The following USP32 variants were observed in gnomAD, a reference collection of about 807,000 sequenced individuals.
USP32 encodes ubiquitin carboxyl-terminal hydrolase 32.
USP32 carries 59 observed loss-of-function variants against 204.8 expected under a neutral mutation model. The ratio of observed to expected loss-of-function variants is 0.29; its 90% CI spans 0.23 to 0.36. The LOEUF (loss-of-function observed/expected upper bound fraction) is 0.36, where lower values mean the gene tolerates loss of function less well. Among genes scored for constraint, USP32 ranks in the 10% least tolerant of loss-of-function variants. The pLI, the probability that USP32 is intolerant of heterozygous loss-of-function variation, is 1.00. For synonymous variants in USP32, 517 were observed against 678.4 expected (o/e 0.76, Z 3.70); for missense variants, 1,160 against 1,946.4 (o/e 0.60, Z 7.60).
At chr17:60,246,780 A>G (rs1314274206) in intron 11 of USP32, among the ~76,000 whole-genome samples, 2 of 152,104 alleles carry the variant, frequency 1.3e-5, no homozygotes, top group Non-Finnish European at 2.9e-5. Flanking sequence ...TATTTCGATT[A>G]TGATTAGTGA....
chr17:60,246,904 G>A (rs1215687797), intron 11 of USP32, among the ~76,000 whole-genome samples: 1 of 152,058 alleles, frequency 6.6e-6, no homozygotes, highest in Non-Finnish European at 1.5e-5. Context: ...TTGTTATTGA[G>A]TTGAGGCCTT....
intron 27 of USP32, 81 bp downstream of exon 27, chr17:60,198,179 C>G: frequency 6.5e-7 from 1 of 1,529,038 alleles, no homozygotes; most frequent in Non-Finnish European, 8.8e-7. Context: ...TAGGCTGGGT[C>G]CTATCAGTCA....
intron 1 of USP32, among the ~76,000 whole-genome samples, chr17:60,351,543 C>T (rs1433209428): frequency 6.6e-6 from 1 of 151,922 alleles, no homozygotes; most frequent in African/African-American, 2.4e-5. Context: ...ATTCTCCTGC[C>T]CAGCCTCCCA....
intron 2 of USP32, among the ~76,000 whole-genome samples, chr17:60,318,407 G>A (rs545736161): frequency 1.3e-5 from 2 of 152,202 alleles, no homozygotes; most frequent in South Asian, 4.1e-4. Context: ...GAACAGCATG[G>A]GATTAACCAT....
intron 30 of USP32, among the ~76,000 whole-genome samples, chr17:60,184,039 C>T (rs539573320): frequency 8.5e-5 from 13 of 152,150 alleles, no homozygotes; most frequent in Middle Eastern, 3.4e-3. Context: ...ATAAACCCCG[C>T]GCTTTGGGAG....
Position 60,321,657 on chromosome 17 carries a change from A to ATT in USP32, c.187-19954_187-19953insAA, listed in dbSNP as rs1459872009. ...TTCTTGAAATGAATGGAAACACAACAGTTTAAACATAGTAACAGAAAATAC... is the reference window on the plus strand; with the variant it reads ...TTCTTGAAATGAATGGAAACACAACATTGTTTAAACATAGTAACAGAAAATAC... On this transcript the variant is annotated intron_variant, in intron 2 of 33. Transcript: ENST00000300896. Among the ~76,000 whole-genome samples, 16 of 152,352 alleles carry ATT rather than the reference A, an allele frequency of 1.1e-4. No individual in the cohort carries two copies. The East Asian group carries it at 2.9e-3, about 28-fold the overall frequency.
chr17:60,366,385 C>G (rs1163971700), intron 1 of USP32, among the ~76,000 whole-genome samples: 8 of 152,052 alleles, frequency 5.3e-5, no homozygotes, highest in Admixed American at 5.2e-4. Flanking sequence ...TCTTGAACTC[C>G]TGACCTCGTG....
At chr17:60,191,559 G>C (rs1447168889) in intron 28 of USP32, among the ~76,000 whole-genome samples, 1 of 151,454 alleles carries the variant, frequency 6.6e-6, no homozygotes, top group Non-Finnish European at 1.5e-5. Flanking sequence ...GCCCAGGCTG[G>C]AGTGCAGTGG....
chr17:60,335,052 T>G (rs987975401), intron 2 of USP32, among the ~76,000 whole-genome samples: 3 of 142,862 alleles, frequency 2.1e-5, no homozygotes, highest in Non-Finnish European at 4.4e-5. Flanking sequence ...GCATGATCAC[T>G]GCAGCCTCAA....
chr17:60,243,979 C>A (rs986552438), intron 11 of USP32, among the ~76,000 whole-genome samples: 9 of 143,554 alleles, frequency 6.3e-5, no homozygotes, highest in African/African-American at 2.1e-4. Flanking sequence ...ATCTTTTATT[C>A]TTTTACTTTC....
chr17:60,227,319 G>C (rs1258984261), intron 12 of USP32, among the ~76,000 whole-genome samples: 2 of 146,270 alleles, frequency 1.4e-5, no homozygotes, highest in Non-Finnish European at 3.0e-5. Flanking sequence ...ACCCAGGCTA[G>C]AGTGCAGTGG....
At chr17:60,374,221 G>C (rs1189896620) in intron 1 of USP32, among the ~76,000 whole-genome samples, 1 of 151,596 alleles carries the variant, frequency 6.6e-6, no homozygotes, top group African/African-American at 2.4e-5. Context: ...ACACACCTTA[G>C]CCTAGGCCTA....
intron 1 of USP32, among the ~76,000 whole-genome samples, chr17:60,397,509 A>G (rs1441238435): frequency 1.3e-5 from 2 of 152,108 alleles, no homozygotes; most frequent in Non-Finnish European, 2.9e-5. Flanking sequence ...CTACAGGTGC[A>G]CACCACCACA....
chr17:60,277,301 G>A (rs2086862857), intron 5 of USP32, among the ~76,000 whole-genome samples: 1 of 152,166 alleles, frequency 6.6e-6, no homozygotes, highest in South Asian at 2.1e-4. Context: ...AATGCCAGAA[G>A]TCAATCCTCA....
chr17:60,383,652 G>A (rs2089683519), intron 1 of USP32, among the ~76,000 whole-genome samples: 1 of 152,234 alleles, frequency 6.6e-6, no homozygotes, highest in South Asian at 2.1e-4. Context: ...ATATGAGAAT[G>A]AGCCAGACAT....
At position 60,245,842 on chromosome 17, in the gene USP32, CT is replaced by C. The variant is rs536548554; in HGVS notation, c.1136+6538del. The stretch of plus-strand genomic sequence containing the variant: ...TATAGGAATGTCTTTAGTTCACCTT[CT>C]TTTTTTTTTAATGTGTTTTTTTTTA... On this transcript the variant is annotated intron_variant, in intron 11 of 33. Transcript: ENST00000300896. Among the ~76,000 whole-genome samples, 337 of 140,420 alleles carry C rather than the reference CT, an allele frequency of 2.4e-3. 1 individual carries two copies. The highest frequency in any genetic ancestry group is 7.7e-3 in the African/African-American group (293 of 37,952). The allele number at this position is 140,420 out of a possible 152,430, so 92.1% of individuals were successfully genotyped here.
At chr17:60,351,589 G>A (rs926194076) in intron 1 of USP32, among the ~76,000 whole-genome samples, 3 of 152,074 alleles carry the variant, frequency 2.0e-5, no homozygotes, top group Admixed American at 6.6e-5. Context: ...CACCGTGCCT[G>A]GCTAATTCTT....
Position 60,389,776 on chromosome 17 carries a change from G to T in USP32, c.58+2106C>A, listed in dbSNP as rs2089797180. ...TCATGCCTGTAATCCCAGCACTTTGGGAGGCCGAGGCGGGCAGATCACAAG... is the reference window on the plus strand; with the variant it reads ...TCATGCCTGTAATCCCAGCACTTTGTGAGGCCGAGGCGGGCAGATCACAAG... On this transcript the variant is annotated intron_variant, in intron 1 of 33. Coordinates refer to ENST00000300896, the MANE Select transcript of USP32 (RefSeq NM_032582.4). Among the ~76,000 whole-genome samples, 5 of 151,976 alleles carry T rather than the reference G, an allele frequency of 3.3e-5. No homozygotes were observed. In the South Asian group the frequency reaches 1.0e-3, roughly 32 times the overall value.
At chr17:60,399,274 A>C (rs1303005967) in intron 1 of USP32, among the ~76,000 whole-genome samples, 1 of 152,202 alleles carries the variant, frequency 6.6e-6, no homozygotes, top group East Asian at 1.9e-4. Context: ...AAAGAGACAA[A>C]ATAAGTATAA....
Sources: gnomAD v4.1 joint callset for allele counts (sites outside exome capture counted in the v4.1 genomes callset) on GRCh38, gnomAD v4.1.1 for gene constraint, MANE v1.5 for transcripts, NCBI Gene and HGNC (gene_info 2026-07-23, HGNC 2026-07-21) for gene names.